Variants in ASGR1 observed in about 807,000 individuals in gnomAD.
ASGR1 encodes asialoglycoprotein receptor 1.
ASGR1 carries 35 observed loss-of-function variants against 33.1 expected under a neutral mutation model. The ratio of observed to expected loss-of-function variants is 1.06; its 90% CI spans 0.81 to 1.40. The LOEUF is 1.40. Ranked by LOEUF, ASGR1 falls within the 40% of genes most tolerant of loss-of-function variation. ASGR1 has a pLI of 0.00. For missense variants in ASGR1, 396 were observed against 373.7 expected (o/e 1.06, Z -0.49); for synonymous variants, 142 against 152.5 (o/e 0.93, Z 0.51).
chr17:7,174,198 G>A lies in ASGR1; in HGVS notation c.534C>T (p.Ala178=). Residue 178 remains alanine, a synonymous_variant, in exon 7 of 9, where the codon GCC becomes GCT. Transcript: ENST00000269299. ...FSRSGKAWAD[A]DNYCRLEDAH... Reference sequence around the variant, plus strand: ...CGTCCTCCAGCCGGCAGTAGTTGTCGGCGTCAGCCCAGGCCTTCCCGGAGC... The same window carrying A: ...CGTCCTCCAGCCGGCAGTAGTTGTCAGCGTCAGCCCAGGCCTTCCCGGAGC... The A allele has an allele frequency of 6.2e-7, 1 of 1,614,170 alleles. No individual in the cohort carries two copies.
Position 7,177,251 on chromosome 17 carries a change from C to T in ASGR1, c.146G>A (p.Ser49Asn), listed in dbSNP as rs769135255. The change falls in exon 3 of 9, where the codon AGC (serine) becomes AAC (asparagine). Residue 49 changes from serine (S) to asparagine (N), a missense_variant. Transcript: ENST00000269299. ...ACAGACAACCACAAGCAGCAGGAGG[C>T]TGAGGCCCAGGGAGAGCAGGAGGAG... ...PRLLLLSLGL[S>N]LLLLVVVCVI... The T allele has an allele frequency of 2.7e-5, 44 of 1,613,688 alleles. No homozygotes were observed. The highest frequency in any genetic ancestry group is 2.8e-5 in the Non-Finnish European group (33 of 1,179,952).
In ASGR1 at chr17:7,174,155, T is replaced by A. The variant is rs1321275986; in HGVS notation, c.577A>T (p.Thr193Ser). 6.2e-7 allele frequency: 1 copy of A among 1,614,118 alleles called. No homozygotes were observed. The highest frequency in any genetic ancestry group is 1.7e-5 in the Admixed American group (1 of 60,024). ...RLEDAHLVVV[T>S]SWEEQKFVQH... ...GTCCTCACCTGCTCCTCCCAGGACG[T>A]GACCACCACCAGGTGCGCGTCCTCC... Residue 193 changes from threonine to serine, a missense_variant, in exon 7 of 9, where the codon ACG becomes TCG. Transcript: ENST00000269299.
chr17:7,176,578 A>C, intron 5 of ASGR1: 1 of 557,350 alleles, frequency 1.8e-6, no homozygotes, highest in Admixed American at 3.3e-5. Context: ...TCTCACACAC[A>C]GACTCACACA....
Position 7,174,256 on chromosome 17 carries a change from A to G in ASGR1, c.476T>C (p.Val159Ala). The G allele has an allele frequency of 1.2e-6, 2 of 1,614,098 alleles. No homozygotes were observed. The change falls in exon 7 of 9, where the codon GTG (valine) becomes GCG (alanine). Residue 159 changes from valine (V) to alanine (A), a missense_variant. Transcript: ENST00000269299. ...CCAGTAGCAGCTGCGCTCGTGCTCC[A>G]CCCAGTTGACCGGGCAGCAGGTCCT... ...SERTCCPVNWVEHERSCYWFS... is the reference protein window; with the variant it reads ...SERTCCPVNWAEHERSCYWFS...
rs2069226989 is a variant in ASGR1 at position 7,177,079 on chromosome 17, GGC to G, written c.188-5_188-4del. 6.2e-7 allele frequency: 1 copy of G among 1,613,642 alleles called. No individual in the cohort carries two copies. Among genetic ancestry groups the G allele is most frequent in the Non-Finnish European group, 8.5e-7 (1 of 1,179,996 alleles). On this transcript the variant is annotated splice_polypyrimidine_tract_variant and splice_region_variant and intron_variant, in intron 3 of 8. Transcript: ENST00000269299. ...CAGCTCCTCCTGCAGCTGGGAGTCT[GGC>G]CAGGACAGCGTGCAGAGAGAAGAAA... is the stretch of plus-strand genomic sequence containing the variant.
At position 7,178,640 on chromosome 17, in the gene ASGR1, T is replaced by G. The variant is rs888462825; in HGVS notation, c.-25-52A>C. On this transcript the variant is annotated intron_variant, in intron 1 of 8. Transcript: ENST00000269299. ...AGGTGGGGGCTCACCAGGACTAGAG[T>G]GGGAATGAGGGGCCCATCTCTTTAC... The G allele has an allele frequency of 9.7e-6, 13 of 1,341,204 alleles. No homozygotes were observed. The Admixed American group carries it at 2.5e-4, about 26-fold the overall frequency. The allele number at this position is 1,341,204 out of a possible 1,614,324, so 83.1% of individuals were successfully genotyped here.
Position 7,173,580 on chromosome 17 carries a change from A to C in ASGR1, c.*79T>G. 15 of 1,576,900 alleles carry C rather than the reference A, an allele frequency of 9.5e-6. No individual in the cohort carries two copies. Among genetic ancestry groups the C allele is most frequent in the Non-Finnish European group, 1.3e-5 (15 of 1,158,354 alleles). ...TTAAAATCCTAGATGAAAATTCCCG[A>C]GAAAGCAGAAGAGGCCCCCAGATGG... On this transcript the variant is annotated 3_prime_UTR_variant, in exon 9 of 9. Coordinates refer to ENST00000269299, the MANE Select transcript of ASGR1 (RefSeq NM_001671.5). This position sits in a 1 kb window ranked among gnomAD's most constrained non-coding sequence, Gnocchi z 4.7.
intron 5 of ASGR1, among the ~76,000 whole-genome samples, 162 bp from the exon 6 acceptor site, chr17:7,174,622 C>T (rs1034377620): frequency 1.3e-5 from 2 of 151,718 alleles, no homozygotes; most frequent in Non-Finnish European, 2.9e-5. Context: ...TACACACACA[C>T]ACACACACTC....
In ASGR1 at chr17:7,174,264, G is replaced by A. The variant is rs751651865; in HGVS notation, c.468C>T (p.Val156=). 9.3e-6 allele frequency: 15 copies of A among 1,614,094 alleles called. No homozygotes were observed. In the East Asian group the frequency reaches 1.6e-4, roughly 17 times the overall value. The part of the protein sequence containing the change: ...GNGSERTCCP[V]NWVEHERSCY... ...AGCTGCGCTCGTGCTCCACCCAGTT[G>A]ACCGGGCAGCAGGTCCTTTCTGAGC... The change falls in exon 7 of 9, where the codon GTC becomes GTT. Residue 156 remains valine, a synonymous_variant. Coordinates refer to ENST00000269299, the MANE Select transcript of ASGR1 (RefSeq NM_001671.5).
At position 7,173,814 on chromosome 17, in the gene ASGR1, G is replaced by T. The variant is rs1407149098; in HGVS notation, c.721C>A (p.Pro241Thr). Residue 241 changes from proline to threonine, a missense_variant, in exon 9 of 9, where the codon CCG becomes ACG. Coordinates refer to ENST00000269299, the MANE Select transcript of ASGR1 (RefSeq NM_001671.5). The surrounding 1 kb of genome is among the most constrained non-coding windows in gnomAD (Gnocchi z 4.7). The part of the protein sequence containing the change: ...TGFKNWRPEQ[P>T]DDWYGHGLGG... ...AGCCCGTGGCCGTACCAGTCGTCCG[G>T]CTGCTCCGGCCTCCAGTTCCTGGGG... 1 of 1,610,864 alleles carries T rather than the reference G, an allele frequency of 6.2e-7. No homozygotes were observed.
chr17:7,176,816 A>ACACT lies in ASGR1; in HGVS notation c.355+13_355+14insAGTG, dbSNP rs1567794070. On this transcript the variant is annotated intron_variant, in intron 5 of 8. Transcript: ENST00000269299. ...TTCACACACACACACACACACACAC[A>ACACT]CTCCCTCTCTGACCTTCACTCAGGT... 2.5e-6 allele frequency: 4 copies of ACACT among 1,607,178 alleles called. No individual in the cohort carries two copies. Among genetic ancestry groups the ACACT allele is most frequent in the Middle Eastern group, 3.3e-4 (2 of 6,034 alleles).
At chr17:7,175,780 C>T (rs1265091717) in intron 5 of ASGR1, among the ~76,000 whole-genome samples, 1 of 141,670 alleles carries the variant, frequency 7.1e-6, no homozygotes, top group Admixed American at 6.7e-5. Flanking sequence ...TTCACACAGG[C>T]TCTCACACAC....
intron 2 of ASGR1, chr17:7,178,196 T>G (rs2069238912): frequency 9.3e-6 from 4 of 431,430 alleles, no homozygotes; most frequent in Non-Finnish European, 1.7e-5. Context: ...GACTTCGTCA[T>G]AGGAAGCCGA....
chr17:7,178,678 G>T, intron 1 of ASGR1, 90 bp from the exon 2 acceptor site: 1 of 733,972 alleles, frequency 1.4e-6, no homozygotes, highest in South Asian at 2.0e-5. Flanking sequence ...CCATCTGATT[G>T]ACGGCTCCAT....
intron 5 of ASGR1, among the ~76,000 whole-genome samples, chr17:7,176,020 ACT>A (rs2069198366): frequency 1.5e-5 from 2 of 134,558 alleles, no homozygotes; most frequent in East Asian, 2.1e-4. Context: ...ACAGACTCAC[ACT>A]CGTACACACA....
At position 7,174,474 on chromosome 17, in the gene ASGR1, G is replaced by C. The variant is rs371694627; in HGVS notation, c.356-14C>G. The C allele has an allele frequency of 5.6e-5, 90 of 1,608,924 alleles. No individual in the cohort carries two copies. In the East Asian group the frequency reaches 6.0e-4, roughly 11 times the overall value. The stretch of plus-strand genomic sequence containing the variant: ...GGCTGGAGTGATCTGGGGAGACCGG[G>C]CGGAGGGGAGCGGGAGGAGATGCGG... On this transcript the variant is annotated splice_polypyrimidine_tract_variant and intron_variant, in intron 5 of 8. Coordinates refer to ENST00000269299, the MANE Select transcript of ASGR1 (RefSeq NM_001671.5).
Position 7,178,598 on chromosome 17 carries a change from G to C in ASGR1, c.-25-10C>G. ...GGCGCTGGACCTGGGACTGAGTCAA[G>C]ACTGAGGCTGGGGCTGAGGTGGGGG... On this transcript the variant is annotated splice_polypyrimidine_tract_variant and intron_variant, in intron 1 of 8. Coordinates refer to ENST00000269299, the MANE Select transcript of ASGR1 (RefSeq NM_001671.5). The C allele has an allele frequency of 6.2e-7, 1 of 1,601,300 alleles. No individual in the cohort carries two copies. The highest frequency in any genetic ancestry group is 8.5e-7 in the Non-Finnish European group (1 of 1,170,820).
Position 7,177,432 on chromosome 17 carries a change from G to A in ASGR1, c.71-106C>T, listed in dbSNP as rs1029942404. The A allele has an allele frequency of 1.8e-5, 15 of 842,058 alleles. No individual in the cohort carries two copies. The African/African-American group carries it at 2.4e-4, about 14-fold the overall frequency. The allele number at this position is 842,058 out of a possible 1,614,324, so 52.2% of individuals were successfully genotyped here. On this transcript the variant is annotated intron_variant, in intron 2 of 8. Transcript: ENST00000269299. ...TAAGGCGGCCCTAGTAGTCTAGGAGGAACCATGTACATGAAGAAATGCGGG... is the reference window on the plus strand; with the variant it reads ...TAAGGCGGCCCTAGTAGTCTAGGAGAAACCATGTACATGAAGAAATGCGGG...
Position 7,178,575 on chromosome 17 carries a change from C to A in ASGR1, c.-12G>T. ...TACTCCTTGGTCATGATAGGGCTGG[C>A]GCTGGACCTGGGACTGAGTCAAGAC... On this transcript the variant is annotated 5_prime_UTR_variant, in exon 2 of 9. Coordinates refer to ENST00000269299, the MANE Select transcript of ASGR1 (RefSeq NM_001671.5). 1 of 1,613,246 alleles carries A rather than the reference C, an allele frequency of 6.2e-7. No individual in the cohort carries two copies. Among genetic ancestry groups the A allele is most frequent in the Non-Finnish European group, 8.5e-7 (1 of 1,179,582 alleles).
Sources: allele counts gnomAD v4.1 joint callset (sites outside exome capture counted in the v4.1 genomes callset), GRCh38; gene constraint gnomAD v4.1.1; non-coding constraint Gnocchi (gnomAD v3.1); transcripts MANE v1.5; gene names NCBI Gene and HGNC (gene_info 2026-07-23, HGNC 2026-07-21).